The following PRELID2 variants were observed in gnomAD, a reference collection of about 807,000 sequenced individuals.
PRELID2 encodes PRELI domain-containing protein 2.
A neutral mutation model predicts 28.4 loss-of-function variants in PRELID2; 25 were observed. The observed-to-expected ratio is 0.88, with a 90% CI of 0.64 to 1.23. The LOEUF is 1.23. PRELID2 is among the 50% of genes most tolerant of loss of function. The probability of loss-of-function intolerance (pLI) is 0.00; values close to 1 mark genes in which losing one functional copy is unlikely to be tolerated. For synonymous variants in PRELID2, 76 were observed against 71.6 expected (o/e 1.06, Z -0.31); for missense variants, 201 against 214.4 (o/e 0.94, Z 0.39).
intron 1 of PRELID2, among the ~76,000 whole-genome samples, chr5:145,622,507 T>C (rs1753786595): frequency 6.6e-6 from 1 of 152,098 alleles, no homozygotes. Flanking sequence ...GTTGGAAATA[T>C]AGATGAACCA....
the PRELID2 span, among the ~76,000 whole-genome samples, chr5:145,242,154 A>G: frequency 6.6e-6 from 1 of 152,000 alleles, no homozygotes; most frequent in Non-Finnish European, 1.5e-5. Context: ...ATGATTTTAT[A>G]TGTGTGTGTG....
the PRELID2 span, among the ~76,000 whole-genome samples, chr5:145,257,338 T>C: frequency 3.3e-5 from 5 of 152,120 alleles, no homozygotes; most frequent in African/African-American, 9.6e-5. Context: ...ATATGCTTAC[T>C]GTAATTTTTA....
the PRELID2 span, among the ~76,000 whole-genome samples, chr5:145,308,609 G>A: frequency 6.6e-6 from 1 of 151,548 alleles, no homozygotes; most frequent in Non-Finnish European, 1.5e-5. Context: ...TTTTAATTTA[G>A]AGGTTAGAGT....
intron 1 of PRELID2, among the ~76,000 whole-genome samples, chr5:145,513,922 A>G (rs1752488901): frequency 6.6e-6 from 1 of 152,098 alleles, no homozygotes; most frequent in African/African-American, 2.4e-5. Flanking sequence ...GAAAAATAAA[A>G]TCCCTTACAG....
chr5:145,355,608 C>T, the PRELID2 span, among the ~76,000 whole-genome samples: 2 of 152,124 alleles, frequency 1.3e-5, no homozygotes, highest in Non-Finnish European at 2.9e-5. Context: ...CCTATGTTCA[C>T]AGGACCTACC....
At chr5:145,678,098 T>C (rs996431201) in intron 1 of PRELID2, among the ~76,000 whole-genome samples, 3 of 152,244 alleles carry the variant, frequency 2.0e-5, no homozygotes, top group African/African-American at 7.2e-5. Context: ...AGAGGACTAA[T>C]GAAACTATCC....
intron 1 of PRELID2, among the ~76,000 whole-genome samples, chr5:145,639,790 A>G (rs1425075959): frequency 6.6e-6 from 1 of 152,224 alleles, no homozygotes; most frequent in Non-Finnish European, 1.5e-5. Flanking sequence ...GAGGTACAGA[A>G]AGAAAAAAAG....
intron 1 of PRELID2, among the ~76,000 whole-genome samples, chr5:145,720,660 G>A (rs1193945383): frequency 1.3e-5 from 2 of 151,876 alleles, no homozygotes; most frequent in Admixed American, 1.3e-4. Context: ...TGAAAATTTA[G>A]GTAAAAGGGT....
chr5:145,460,632 A>T, the PRELID2 span, among the ~76,000 whole-genome samples: 5 of 152,208 alleles, frequency 3.3e-5, no homozygotes, highest in Non-Finnish European at 7.3e-5. Flanking sequence ...CCTGTGCTAT[A>T]CTTCTTTAAT....
chr5:145,552,049 A>G (rs1254307890), intron 1 of PRELID2, among the ~76,000 whole-genome samples: 1 of 152,156 alleles, frequency 6.6e-6, no homozygotes, highest in Non-Finnish European at 1.5e-5. Context: ...AGAGCAGAGA[A>G]TATCCAATTG....
chr5:145,475,798 A>G (rs190502790), intron 1 of PRELID2, among the ~76,000 whole-genome samples: 234 of 152,312 alleles, frequency 1.5e-3, no homozygotes, highest in Non-Finnish European at 2.9e-3. Flanking sequence ...AGTCTCTATG[A>G]TCTATAGTAT....
At chr5:145,257,639 T>C in the PRELID2 span, among the ~76,000 whole-genome samples, 572 of 152,230 alleles carry the variant, frequency 3.8e-3, 3 homozygotes, top group Middle Eastern at 6.8e-3. Flanking sequence ...TAAAAGAAGA[T>C]AACTGGTATA....
chr5:145,392,654 G>A, the PRELID2 span, among the ~76,000 whole-genome samples: 1 of 151,528 alleles, frequency 6.6e-6, no homozygotes, highest in Non-Finnish European at 1.5e-5. Context: ...ACCAAAAATA[G>A]ACATCACATA....
chr5:145,626,103 T>C (rs1753840989), intron 1 of PRELID2, among the ~76,000 whole-genome samples: 1 of 152,180 alleles, frequency 6.6e-6, no homozygotes, highest in Admixed American at 6.5e-5. Flanking sequence ...AAAAAAACTC[T>C]TGTGAACTTT....
At chr5:145,608,499 G>A (rs1753543101) in intron 1 of PRELID2, among the ~76,000 whole-genome samples, 1 of 152,112 alleles carries the variant, frequency 6.6e-6, no homozygotes, top group African/African-American at 2.4e-5. Context: ...CATCACTTAC[G>A]AAGTTTAGTT....
rs1432095496 is a variant in PRELID2 at position 145,757,223 on chromosome 5, G to A, written c.*3313C>T. Among the ~76,000 whole-genome samples, 4 of 152,122 alleles carry A rather than the reference G, an allele frequency of 2.6e-5. No homozygotes were observed. Among genetic ancestry groups the A allele is most frequent in the Non-Finnish European group, 5.9e-5 (4 of 68,020 alleles). ...ATACACAAAGTAGTTCATAGAAAAA[G>A]AATACAGCACCTTTTTCATCCATAT... is the stretch of plus-strand genomic sequence containing the variant. On this transcript the variant is annotated 3_prime_UTR_variant, in exon 7 of 7. Coordinates refer to ENST00000683046, the MANE Select transcript of PRELID2 (RefSeq NM_205846.3).
At chr5:145,800,135 A>C (rs1753031861) in intron 4 of PRELID2, among the ~76,000 whole-genome samples, 1 of 152,126 alleles carries the variant, frequency 6.6e-6, no homozygotes, top group Non-Finnish European at 1.5e-5. Flanking sequence ...AAATCTGAGA[A>C]AATACTGGAT....
the PRELID2 span, among the ~76,000 whole-genome samples, chr5:145,243,104 G>A: frequency 1.3e-5 from 2 of 151,984 alleles, no homozygotes; most frequent in African/African-American, 2.4e-5. Context: ...AATGTATTAA[G>A]AACAGTCCAA....
chr5:145,565,548 A>G (rs1379593234), intron 1 of PRELID2, among the ~76,000 whole-genome samples: 1 of 152,266 alleles, frequency 6.6e-6, no homozygotes, highest in Non-Finnish European at 1.5e-5. Context: ...TAAGCCAAGA[A>G]GCTTGGTCAC....
Sources: gnomAD v4.1 joint callset for allele counts (sites outside exome capture counted in the v4.1 genomes callset) on GRCh38, gnomAD v4.1.1 for gene constraint, MANE v1.5 for transcripts, NCBI Gene and HGNC (gene_info 2026-07-23, HGNC 2026-07-21) for gene names.